Variants in MYO10 observed in about 807,000 individuals in gnomAD.
The protein encoded by MYO10 is unconventional myosin-X.
A neutral mutation model predicts 257.3 loss-of-function variants in MYO10; 133 were observed. The observed-to-expected ratio is 0.52, with a 90% CI of 0.45 to 0.60. The LOEUF is 0.60. Ranked by LOEUF, MYO10 falls within the 20% of genes least tolerant of loss-of-function variation. MYO10 has a pLI of 0.00. For missense variants in MYO10, 2,399 were observed against 2,635.7 expected, an observed-to-expected ratio of 0.91 and a Z score of 1.97; for synonymous variants, 1,104 against 1,028.6, an observed-to-expected ratio of 1.07 and a Z score of -1.40.
intron 27 of MYO10, among the ~76,000 whole-genome samples, chr5:16,692,195 C>A (rs1033167484): frequency 1.3e-5 from 2 of 152,048 alleles, no homozygotes; most frequent in African/African-American, 4.8e-5. Flanking sequence ...CTGAGGTGTG[C>A]GGATCACCTG....
At chr5:16,671,360 G>GTTAT in intron 38 of MYO10, 62 bp downstream of exon 38, 1 of 1,584,870 alleles carries the variant, frequency 6.3e-7, no homozygotes, top group Non-Finnish European at 8.6e-7. Context: ...ACAAGGCTAA[G>GTTAT]TATTAACAGG....
Position 16,664,294 on chromosome 5 carries a change from C to A in MYO10, c.*2398G>T, listed in dbSNP as rs1299484255. On this transcript the variant is annotated 3_prime_UTR_variant, in exon 41 of 41. Coordinates refer to ENST00000513610, the MANE Select transcript of MYO10 (RefSeq NM_012334.3). ...GAGTCATGCCTTTCCTTGCCTATTTCCCCATCTATAATTGAGGGCGGGCGA... is the reference window on the plus strand; with the variant it reads ...GAGTCATGCCTTTCCTTGCCTATTTACCCATCTATAATTGAGGGCGGGCGA... The A allele has an allele frequency of 6.6e-6, 1 of 152,248 alleles. No homozygotes were observed. Among genetic ancestry groups the A allele is most frequent in the Non-Finnish European group, 1.5e-5 (1 of 68,070 alleles). 9.4% of individuals were successfully genotyped at this position (152,248 alleles called of 1,614,324 possible). A position where few individuals can be genotyped will look rare whatever the true frequency, so the allele number is the denominator to read the frequency against.
intron 33 of MYO10, among the ~76,000 whole-genome samples, chr5:16,678,347 A>G (rs916256297): frequency 1.3e-5 from 2 of 152,056 alleles, no homozygotes; most frequent in Non-Finnish European, 2.9e-5. Flanking sequence ...TGGGAGGCTG[A>G]GGTAGGCAGA....
intron 1 of MYO10, among the ~76,000 whole-genome samples, chr5:16,884,268 G>C (rs921375372): frequency 1.3e-5 from 2 of 152,102 alleles, no homozygotes; most frequent in Admixed American, 1.3e-4. Context: ...GGTGGTGCAT[G>C]CCTGTGGTCT....
chr5:16,827,628 G>A (rs10064806), intron 2 of MYO10, among the ~76,000 whole-genome samples: 78,234 of 152,042 alleles, frequency 0.51, 20,387 homozygotes, highest in Middle Eastern at 0.6. Context: ...TACTTTGTTA[G>A]ATAACTATGA....
Position 16,673,787 on chromosome 5 carries a change from AT to A in MYO10, c.5066del (p.Asp1689ValfsTer3). 6.2e-7 allele frequency: 1 copy of A among 1,613,794 alleles called. No individual in the cohort carries two copies. Among genetic ancestry groups the A allele is most frequent in the South Asian group, 1.1e-5 (1 of 91,054 alleles). Reference sequence around the variant, plus strand: ...GCCTGTGGATCAGAGCTTCTATTTCATCTCGGGAAGGCACAAACTCTCGGCA... The same window carrying A: ...GCCTGTGGATCAGAGCTTCTATTTCACTCGGGAAGGCACAAACTCTCGGCA... ...TKCREFVPSR[D>X]EIEALIHRQE... On this transcript the variant is annotated frameshift_variant, in exon 36 of 41. Coordinates refer to ENST00000513610, the MANE Select transcript of MYO10 (RefSeq NM_012334.3). LOFTEE classifies it high-confidence loss of function.
intron 33 of MYO10, among the ~76,000 whole-genome samples, chr5:16,678,605 T>G (rs1325468898): frequency 6.6e-6 from 1 of 152,104 alleles, no homozygotes; most frequent in South Asian, 2.1e-4. Context: ...AAAAAACAAC[T>G]GGCTTGCCAG....
chr5:16,826,129 T>C (rs553841696), intron 2 of MYO10, among the ~76,000 whole-genome samples: 2 of 151,604 alleles, frequency 1.3e-5, no homozygotes, highest in South Asian at 4.2e-4. Flanking sequence ...GCCTGGGTGA[T>C]ATAGAATGAG....
chr5:16,768,627 A>G (rs1740948871), intron 10 of MYO10, among the ~76,000 whole-genome samples: 1 of 145,744 alleles, frequency 6.9e-6, no homozygotes. Flanking sequence ...AACATTCTGT[A>G]GCTCTCTATT....
chr5:16,663,053 C>T lies in MYO10; in HGVS notation c.*3639G>A, dbSNP rs547247096. ...TTTTTCCACAGAGCTATCTGAGGTA[C>T]TATATAATCATCAAAAAGAATAAGG... On this transcript the variant is annotated 3_prime_UTR_variant, in exon 41 of 41. Transcript: ENST00000513610. 6.6e-6 allele frequency: 1 copy of T among 152,200 alleles called. No individual in the cohort carries two copies. The highest frequency in any genetic ancestry group is 1.9e-4 in the East Asian group (1 of 5,168). 9.4% of individuals were successfully genotyped at this position (152,200 alleles called of 1,614,324 possible). A position where few individuals can be genotyped will look rare whatever the true frequency, so the allele number is the denominator to read the frequency against.
intron 2 of MYO10, among the ~76,000 whole-genome samples, chr5:16,859,615 C>T (rs1744055561): frequency 6.6e-6 from 1 of 152,044 alleles, no homozygotes; most frequent in Non-Finnish European, 1.5e-5. Flanking sequence ...GCCATGGTGG[C>T]ACATGCCTGT....
rs548195627 is a variant in MYO10, at chr5:16,836,059, G to A, written c.121-17892C>T. Among the ~76,000 whole-genome samples, 3 of 152,286 alleles carry A rather than the reference G, an allele frequency of 2.0e-5. No homozygotes were observed. In the East Asian group the frequency reaches 5.8e-4, roughly 29 times the overall value. On this transcript the variant is annotated intron_variant, in intron 2 of 40. Coordinates refer to ENST00000513610, the MANE Select transcript of MYO10 (RefSeq NM_012334.3). ...AGAGGATCTGAGGGTTAGGGAAACT[G>A]ATGGGAATCAGGGTGAAACCTCCTA...
At chr5:16,875,648 GA>G (rs1309413248) in intron 2 of MYO10, among the ~76,000 whole-genome samples, 17 of 152,282 alleles carry the variant, frequency 1.1e-4, no homozygotes, top group African/African-American at 4.1e-4. Context: ...AAAAAGAAAT[GA>G]AGGAGTTACA....
intron 2 of MYO10, among the ~76,000 whole-genome samples, chr5:16,828,935 ACT>A (rs1484724864): frequency 2.0e-5 from 3 of 151,738 alleles, no homozygotes; most frequent in Admixed American, 1.3e-4. Context: ...TCATTTATTT[ACT>A]CTCTTTTAAG....
At chr5:16,847,060 G>A (rs1324062205) in intron 2 of MYO10, among the ~76,000 whole-genome samples, 1 of 152,108 alleles carries the variant, frequency 6.6e-6, no homozygotes, top group Non-Finnish European at 1.5e-5. Flanking sequence ...AGAGATTGCA[G>A]TAAGCCGAGA....
intron 2 of MYO10, among the ~76,000 whole-genome samples, chr5:16,838,265 ATTCTTGAAGGAAAAT>A (rs1206515108): frequency 2.0e-5 from 3 of 152,366 alleles, no homozygotes; most frequent in South Asian, 4.1e-4. Flanking sequence ...CAAAGGTAAA[ATTCTTGAAGGAAAAT>A]TTCTTGAAGG....
At chr5:16,690,920 C>T (rs1579833520) in intron 27 of MYO10, among the ~76,000 whole-genome samples, 1 of 151,968 alleles carries the variant, frequency 6.6e-6, no homozygotes, top group African/African-American at 2.4e-5. Flanking sequence ...GATAGTAATA[C>T]GTTTGATGAA....
At chr5:16,725,134 T>G (rs1195214353) in intron 19 of MYO10, among the ~76,000 whole-genome samples, 1 of 133,652 alleles carries the variant, frequency 7.5e-6, no homozygotes, top group African/African-American at 2.7e-5. Flanking sequence ...TCATCCAGGC[T>G]GGAGTGCAGC....
intron 21 of MYO10, among the ~76,000 whole-genome samples, chr5:16,705,065 G>A (rs1208758313): frequency 1.3e-5 from 2 of 152,268 alleles, no homozygotes; most frequent in South Asian, 2.1e-4. Flanking sequence ...TTGAGTCTAC[G>A]TAATATGATT....
Sources: gnomAD v4.1 joint callset for allele counts (sites outside exome capture counted in the v4.1 genomes callset) on GRCh38, gnomAD v4.1.1 for gene constraint, MANE v1.5 for transcripts, NCBI Gene and HGNC (gene_info 2026-07-23, HGNC 2026-07-21) for gene names.